Variants in ITGAV observed in about 807,000 individuals in gnomAD.
ITGAV encodes integrin subunit alpha V.
A neutral mutation model predicts 143.8 loss-of-function variants in ITGAV; 76 were observed. The observed-to-expected ratio is 0.53, with a 90% confidence interval of 0.44 to 0.64. ITGAV has a LOEUF of 0.64. ITGAV is among the 30% of genes least tolerant of loss of function. ITGAV has a pLI of 0.00. For missense variants in ITGAV, 1,193 were observed against 1,274.7 expected (o/e 0.94, Z 0.98); for synonymous variants, 453 against 446.7 (o/e 1.01, Z -0.18).
chr2:186,612,270 A>G (rs1157084426), intron 2 of ITGAV, among the ~76,000 whole-genome samples: 1 of 152,040 alleles, frequency 6.6e-6, no homozygotes, highest in Non-Finnish European at 1.5e-5. Context: ...TTTTCCACCC[A>G]AAAAGATAGA....
intron 12 of ITGAV, among the ~76,000 whole-genome samples, chr2:186,645,076 A>G (rs1381921542): frequency 1.3e-5 from 2 of 152,344 alleles, no homozygotes; most frequent in Non-Finnish European, 2.9e-5. Context: ...CTTATGTTCT[A>G]TAGCTTACTT....
At chr2:186,673,109 A>T (rs1457191492) in intron 26 of ITGAV, among the ~76,000 whole-genome samples, 2 of 152,218 alleles carry the variant, frequency 1.3e-5, no homozygotes, top group Non-Finnish European at 2.9e-5. Flanking sequence ...GGTGTGAGGT[A>T]GGGGTCCAGA....
chr2:186,597,009 G>T (rs1431444789), intron 1 of ITGAV, among the ~76,000 whole-genome samples: 1 of 152,122 alleles, frequency 6.6e-6, no homozygotes, highest in Non-Finnish European at 1.5e-5. Flanking sequence ...CATTTCACCA[G>T]TATGCAAGTC....
At position 186,659,120 on chromosome 2, in the gene ITGAV, C is replaced by A. The variant is rs1363988503; in HGVS notation, c.1802C>A (p.Thr601Lys). 1 of 1,612,828 alleles carries A rather than the reference C, an allele frequency of 6.2e-7. No homozygotes were observed. The highest frequency in any genetic ancestry group is 1.1e-5 in the South Asian group (1 of 90,990). Residue 601 changes from threonine (T) to lysine (K), a missense_variant, in exon 18 of 30, where the codon ACA becomes AAA. By Grantham distance (78) the Thr-to-Lys change is moderately conservative (BLOSUM62 -1). Transcript: ENST00000261023. ...YRLDYRTAAD[T>K]TGLQPILNQF... ...TTGGATTATAGAACAGCTGCTGATACAACAGGCTTGCAACCCATTCTTAAC... is the reference window on the plus strand; with the variant it reads ...TTGGATTATAGAACAGCTGCTGATAAAACAGGCTTGCAACCCATTCTTAAC...
chr2:186,632,619 G>T (rs1308429626), intron 5 of ITGAV, among the ~76,000 whole-genome samples: 1 of 152,086 alleles, frequency 6.6e-6, no homozygotes, highest in Non-Finnish European at 1.5e-5. Context: ...ATTTGTATAT[G>T]TATAATACAC....
Position 186,675,937 on chromosome 2 carries a change from T to C in ITGAV, c.2928+10T>C. 1 of 1,379,712 alleles carries C rather than the reference T, an allele frequency of 7.2e-7. No individual in the cohort carries two copies. The highest frequency in any genetic ancestry group is 1.0e-6 in the Non-Finnish European group (1 of 973,824). 85.5% of individuals were successfully genotyped at this position (1,379,712 alleles called of 1,614,324 possible). A position where few individuals can be genotyped will look rare whatever the true frequency, so the allele number is the denominator to read the frequency against. On this transcript the variant is annotated intron_variant, in intron 28 of 29. Coordinates refer to ENST00000261023, the MANE Select transcript of ITGAV (RefSeq NM_002210.5). ...CACCAACTCCACATTGGTAAGTCAT[T>C]GGTTTAGGCAAATAGAATAAATTTA...
At chr2:186,597,638 C>T (rs978954177) in intron 1 of ITGAV, among the ~76,000 whole-genome samples, 14 of 152,134 alleles carry the variant, frequency 9.2e-5, no homozygotes, top group African/African-American at 3.1e-4. Context: ...CCCCAACCCT[C>T]GGGCCATGGA....
chr2:186,597,752 G>A (rs1686784194), intron 1 of ITGAV, among the ~76,000 whole-genome samples: 1 of 152,154 alleles, frequency 6.6e-6, no homozygotes, highest in African/African-American at 2.4e-5. Flanking sequence ...TCAGATCAGT[G>A]GTGGCATTAG....
chr2:186,600,450 A>G (rs1686868700), intron 1 of ITGAV: 2 of 1,532,154 alleles, frequency 1.3e-6, no homozygotes, highest in South Asian at 2.4e-5. Flanking sequence ...CATTCTTTAA[A>G]GATGATTTCC....
Position 186,649,833 on chromosome 2 carries a change from T to C in ITGAV, c.1352-7T>C. On this transcript the variant is annotated splice_region_variant and splice_polypyrimidine_tract_variant and intron_variant, in intron 13 of 29. Transcript: ENST00000261023. Reference sequence around the variant, plus strand: ...ATTATTAACATGTTTTTCCACTCTTTCTTAAGACTTAATTGTAGGAGCTTT... The same window carrying C: ...ATTATTAACATGTTTTTCCACTCTTCCTTAAGACTTAATTGTAGGAGCTTT... The C allele has an allele frequency of 6.3e-7, 1 of 1,577,650 alleles. No homozygotes were observed.
In ITGAV at chr2:186,591,893, T is replaced by G. The variant is rs138641039; in HGVS notation, c.185+1370T>G. 2.9e-3 allele frequency among the ~76,000 whole-genome samples: 448 copies of G among 152,340 alleles called. 2 individuals carry two copies. Among genetic ancestry groups the G allele is most frequent in the African/African-American group, 0.01 (431 of 41,596 alleles). On this transcript the variant is annotated intron_variant, in intron 1 of 29. Transcript: ENST00000261023. ...CCAACATGATAAAAATAATCATTATTTAGGCAACATTTACCAATTTCACAT... is the reference window on the plus strand; with the variant it reads ...CCAACATGATAAAAATAATCATTATGTAGGCAACATTTACCAATTTCACAT...
chr2:186,606,519 T>G (rs1687069725), intron 2 of ITGAV, among the ~76,000 whole-genome samples: 1 of 152,188 alleles, frequency 6.6e-6, no homozygotes, highest in African/African-American at 2.4e-5. Flanking sequence ...ATGAGCTGTT[T>G]CATGTCGCTA....
In ITGAV at chr2:186,640,985, T is replaced by A; in HGVS notation, c.956+18T>A. On this transcript the variant is annotated intron_variant, in intron 11 of 29. Coordinates refer to ENST00000261023, the MANE Select transcript of ITGAV (RefSeq NM_002210.5). ...GGAGATGAGTAAGTTTAAAAAAAAA[T>A]GTTTCCAGAAAGTTATCTTCTCATG... 8 of 1,566,436 alleles carry A rather than the reference T, an allele frequency of 5.1e-6. No individual in the cohort carries two copies. Among genetic ancestry groups the A allele is most frequent in the South Asian group, 1.2e-5 (1 of 86,588 alleles).
At chr2:186,644,376 A>G (rs1688191586) in intron 12 of ITGAV, among the ~76,000 whole-genome samples, 1 of 151,592 alleles carries the variant, frequency 6.6e-6, no homozygotes, top group African/African-American at 2.4e-5. Context: ...GCCAGGCTGG[A>G]GTGCAGTGGC....
chr2:186,664,420 T>A (rs1367871005), intron 19 of ITGAV, 74 bp from the exon 20 acceptor site: 4 of 1,413,612 alleles, frequency 2.8e-6, no homozygotes, highest in Non-Finnish European at 3.9e-6. Context: ...ATTTATCTCT[T>A]CTTTCTTTGA....
intron 2 of ITGAV, among the ~76,000 whole-genome samples, chr2:186,612,666 T>C (rs557445819): frequency 6.6e-6 from 1 of 152,318 alleles, no homozygotes; most frequent in African/African-American, 2.4e-5. Flanking sequence ...AGCTGTTTTC[T>C]AGCTTCTGCA....
At chr2:186,608,814 A>C (rs1265660978) in intron 2 of ITGAV, among the ~76,000 whole-genome samples, 1 of 152,226 alleles carries the variant, frequency 6.6e-6, no homozygotes, top group Non-Finnish European at 1.5e-5. Context: ...GCTAAATTTA[A>C]CAGAACAAGA....
Position 186,610,528 on chromosome 2 carries a change from T to G in ITGAV, c.316+8377T>G, listed in dbSNP as rs184499090. On this transcript the variant is annotated intron_variant, in intron 2 of 29. Transcript: ENST00000261023. ...ATGCAATGATTGAAATATTACAACTTGCTTTTGCTTTTGAAATAGCAGTTG... is the reference window on the plus strand; with the variant it reads ...ATGCAATGATTGAAATATTACAACTGGCTTTTGCTTTTGAAATAGCAGTTG... Among the ~76,000 whole-genome samples, 3 of 152,354 alleles carry G rather than the reference T, an allele frequency of 2.0e-5. No homozygotes were observed. The East Asian group carries it at 5.8e-4, about 29-fold the overall frequency.
In ITGAV at chr2:186,679,471, C is replaced by T. The variant is rs948680778; in HGVS notation, c.*2179C>T. The stretch of plus-strand genomic sequence containing the variant: ...ATATGGAGAAGAGTAATTTGAAAGC[C>T]TACTTTCTGAAGAAAATGGTGGGAT... On this transcript the variant is annotated 3_prime_UTR_variant, in exon 30 of 30. Coordinates refer to ENST00000261023, the MANE Select transcript of ITGAV (RefSeq NM_002210.5). 1.2e-4 allele frequency: 18 copies of T among 147,058 alleles called. 1 individual carries two copies. The Admixed American group carries it at 1.2e-3, about 10-fold the overall frequency. 9.1% of individuals were successfully genotyped at this position (147,058 alleles called of 1,614,324 possible).
Sources: allele counts gnomAD v4.1 joint callset (sites outside exome capture counted in the v4.1 genomes callset), GRCh38; gene constraint gnomAD v4.1.1; transcripts MANE v1.5; gene names NCBI Gene and HGNC (gene_info 2026-07-23, HGNC 2026-07-21).